The following CACNA1A variants were observed in gnomAD, a reference collection of about 807,000 sequenced individuals.
CACNA1A encodes calcium voltage-gated channel subunit alpha1 A, also known as voltage-dependent P/Q-type calcium channel subunit alpha-1A.
Under a neutral mutation model 262.4 loss-of-function variants are expected in CACNA1A, and 57 were observed. The observed-to-expected ratio is 0.22, with a 90% CI of 0.18 to 0.27. The LOEUF is 0.27. Among genes scored for constraint, CACNA1A ranks in the 10% least tolerant of loss-of-function variants. The pLI, the probability that CACNA1A is intolerant of heterozygous loss-of-function variation, is 1.00. For missense variants in CACNA1A, 2,526 were observed against 3,562.8 expected (o/e 0.71, Z 7.41); for synonymous variants, 1,431 against 1,419.3 (o/e 1.01, Z -0.18).
intron 17 of CACNA1A, among the ~76,000 whole-genome samples, chr19:13,302,521 C>T (rs904458544): frequency 1.3e-5 from 2 of 152,176 alleles, no homozygotes; most frequent in African/African-American, 4.8e-5. Context: ...TATTAAATGA[C>T]CAAGAAATGC....
At chr19:13,414,012 G>GA (rs2060177818) in intron 3 of CACNA1A, among the ~76,000 whole-genome samples, 1 of 151,978 alleles carries the variant, frequency 6.6e-6, no homozygotes, top group Non-Finnish European at 1.5e-5. Flanking sequence ...TGGAAGGTGA[G>GA]ATAAAAGCAG....
chr19:13,208,613 G>C (rs865877819), intron 46 of CACNA1A, 143 bp downstream of exon 46: 14 of 1,079,122 alleles, frequency 1.3e-5, no homozygotes, highest in Middle Eastern at 6.2e-4. Flanking sequence ...CGGGCACCCC[G>C]GTGGCTTGGG....
At chr19:13,425,596 A>G (rs1273926342) in intron 3 of CACNA1A, among the ~76,000 whole-genome samples, 2 of 152,222 alleles carry the variant, frequency 1.3e-5, no homozygotes, top group Non-Finnish European at 2.9e-5. Context: ...TATAACCACA[A>G]GCTGGCTTTT....
Position 13,241,409 on chromosome 19 carries a change from G to A in CACNA1A, c.4950+3773C>T. The A allele has an allele frequency of 4.0e-6, 3 of 742,220 alleles. No homozygotes were observed. The highest frequency in any genetic ancestry group is 7.1e-6 in the Non-Finnish European group (3 of 421,192). The allele number at this position is 742,220 out of a possible 1,614,324, so 46.0% of individuals were successfully genotyped here. A position where few individuals can be genotyped will look rare whatever the true frequency, so the allele number is the denominator to read the frequency against. ...AGAGGAGAGCGGAGGGTTGAGGAGA[G>A]CGTCAGGCATCCCACGTTGGAGAGG... is the stretch of plus-strand genomic sequence containing the variant. On this transcript the variant is annotated intron_variant, in intron 31 of 46. Coordinates refer to ENST00000360228, the MANE Select transcript of CACNA1A (RefSeq NM_001127222.2). The surrounding 1 kb of genome is among the most constrained non-coding windows in gnomAD (Gnocchi z 4.0).
intron 30 of CACNA1A, among the ~76,000 whole-genome samples, chr19:13,251,457 T>C (rs1393703701): frequency 1.3e-5 from 2 of 152,162 alleles, no homozygotes; most frequent in African/African-American, 4.8e-5. Context: ...CACTCCAGCC[T>C]GGGCAACAGC....
chr19:13,348,716 G>A lies in CACNA1A; in HGVS notation c.978+10890C>T, dbSNP rs551838069. ...CTGGGCGTGTTGGTGCATGCCTGTA[G>A]TCCCAGCTACTCAGGAGGCTGAGGC... On this transcript the variant is annotated intron_variant, in intron 6 of 46. Coordinates refer to ENST00000360228, the MANE Select transcript of CACNA1A (RefSeq NM_001127222.2). 2.6e-3 allele frequency among the ~76,000 whole-genome samples: 392 copies of A among 152,204 alleles called. 4 individuals are homozygous for A. Among genetic ancestry groups the A allele is most frequent in the African/African-American group, 8.7e-3 (361 of 41,516 alleles).
chr19:13,495,450 C>G (rs934047373), intron 1 of CACNA1A, among the ~76,000 whole-genome samples: 5 of 152,080 alleles, frequency 3.3e-5, no homozygotes, highest in Non-Finnish European at 5.9e-5. Context: ...GTGCCCGCCA[C>G]CACGCCTGGC....
chr19:13,298,511 T>C (rs2057716886), intron 19 of CACNA1A, 33 bp downstream of exon 19: 3 of 1,508,706 alleles, frequency 2.0e-6, no homozygotes, highest in Non-Finnish European at 2.7e-6. Context: ...AATGTTACCG[T>C]CATTCTGCGG....
At chr19:13,330,994 T>C (rs1275085710) in intron 9 of CACNA1A, among the ~76,000 whole-genome samples, 1 of 152,144 alleles carries the variant, frequency 6.6e-6, no homozygotes, top group African/African-American at 2.4e-5. Flanking sequence ...TCTGCCCCCA[T>C]ATTCAAGCTA....
chr19:13,365,651 T>G lies in CACNA1A; in HGVS notation c.632-182A>C, dbSNP rs146264163. 3 of 532,988 alleles carry G rather than the reference T, an allele frequency of 5.6e-6. No homozygotes were observed. The East Asian group carries it at 8.8e-5, about 16-fold the overall frequency. The allele number at this position is 532,988 out of a possible 1,614,324, so 33.0% of individuals were successfully genotyped here. ...ACCACACGGAGGCTGATCCTTATCA[T>G]GGGAACAACACTTCCTAGGTTTTTT... On this transcript the variant is annotated intron_variant, in intron 4 of 46. Coordinates refer to ENST00000360228, the MANE Select transcript of CACNA1A (RefSeq NM_001127222.2).
intron 1 of CACNA1A, among the ~76,000 whole-genome samples, chr19:13,500,388 A>AACCCCACCTTGGGTG (rs1982235411): frequency 6.6e-6 from 1 of 152,204 alleles, no homozygotes; most frequent in Non-Finnish European, 1.5e-5. Flanking sequence ...CCCACCCAAG[A>AACCCCACCTTGGGTG]GAACCCCTTC....
chr19:13,303,701 G>A (rs1444633630), intron 16 of CACNA1A, 66 bp downstream of exon 16: 1 of 1,553,952 alleles, frequency 6.4e-7, no homozygotes, highest in Non-Finnish European at 8.9e-7. Context: ...CCTCCCTTGA[G>A]CCCCTGCAAC....
At chr19:13,254,335 A>G (rs2144731646) in intron 29 of CACNA1A, among the ~76,000 whole-genome samples, 1 of 148,858 alleles carries the variant, frequency 6.7e-6, no homozygotes, top group East Asian at 2.0e-4. Flanking sequence ...GTCCTCACCT[A>G]CCCCTTCTCC....
intron 10 of CACNA1A, among the ~76,000 whole-genome samples, chr19:13,326,314 C>CA (rs894559194): frequency 4.2e-5 from 6 of 141,852 alleles, no homozygotes; most frequent in South Asian, 2.2e-4. Flanking sequence ...GACTCCATCT[C>CA]AAAAAAAAAG....
chr19:13,255,055 G>T (rs2056508372), intron 29 of CACNA1A, 40 bp downstream of exon 29: 2 of 1,602,822 alleles, frequency 1.2e-6, no homozygotes, highest in Non-Finnish European at 8.5e-7. Flanking sequence ...GGAACGAGGT[G>T]GGGGTTAAGT....
Position 13,481,229 on chromosome 19 carries a change from C to T in CACNA1A, c.293+24703G>A, listed in dbSNP as rs568752349. On this transcript the variant is annotated intron_variant, in intron 1 of 46. Transcript: ENST00000360228. ...GGAAGGTGAAGTCATGGGCAGCCAC[C>T]ACTGCCAGAAGTGGAGAGCTGGCAA... Among the ~76,000 whole-genome samples the T allele has an allele frequency of 1.3e-3, 192 of 152,266 alleles. 1 individual carries two copies. The highest frequency in any genetic ancestry group is 4.1e-3 in the African/African-American group (169 of 41,538).
At chr19:13,219,823 C>T (rs949379712) in intron 38 of CACNA1A, among the ~76,000 whole-genome samples, 9 of 151,568 alleles carry the variant, frequency 5.9e-5, no homozygotes, top group Non-Finnish European at 1.0e-4. Flanking sequence ...CGTGGTGGCA[C>T]GCATCTGTAG....
chr19:13,493,083 A>C (rs1981092199), intron 1 of CACNA1A, among the ~76,000 whole-genome samples: 2 of 152,170 alleles, frequency 1.3e-5, no homozygotes, highest in African/African-American at 4.8e-5. Context: ...AACATTTTCC[A>C]GCTCTGGGTG....
At chr19:13,485,648 G>A (rs1219520375) in intron 1 of CACNA1A, among the ~76,000 whole-genome samples, 1 of 152,136 alleles carries the variant, frequency 6.6e-6, no homozygotes, top group Non-Finnish European at 1.5e-5. Flanking sequence ...GCAATCGGGG[G>A]ATGCAAACTA....
Sources: allele counts gnomAD v4.1 joint callset (sites outside exome capture counted in the v4.1 genomes callset), GRCh38; gene constraint gnomAD v4.1.1; non-coding constraint Gnocchi (gnomAD v3.1); transcripts MANE v1.5; gene names NCBI Gene and HGNC (gene_info 2026-07-23, HGNC 2026-07-21).